The following NUBPL variants were observed in gnomAD, a reference collection of about 807,000 sequenced individuals.
The protein encoded by NUBPL is iron-sulfur cluster transfer protein NUBPL.
A neutral mutation model predicts 45.7 loss-of-function variants in NUBPL; 31 were observed. The observed-to-expected ratio is 0.68, with a 90% CI of 0.51 to 0.92. The LOEUF is 0.92. Among genes scored for constraint, NUBPL ranks in the 40% least tolerant of loss-of-function variants. The probability of loss-of-function intolerance (pLI) is 0.00; values close to 1 mark genes in which losing one functional copy is unlikely to be tolerated. For missense variants in NUBPL, 401 were observed against 398.7 expected, an observed-to-expected ratio of 1.01 and a Z score of -0.05; for synonymous variants, 144 against 140.9, an observed-to-expected ratio of 1.02 and a Z score of -0.15.
At chr14:31,603,902 A>C (rs138529860) in intron 4 of NUBPL, among the ~76,000 whole-genome samples, 8 of 152,314 alleles carry the variant, frequency 5.3e-5, no homozygotes, top group South Asian at 2.1e-4. Flanking sequence ...ATGAATTTGC[A>C]TACTTTAAAT....
intron 4 of NUBPL, among the ~76,000 whole-genome samples, chr14:31,616,130 T>A (rs1183452683): frequency 1.3e-5 from 2 of 152,200 alleles, no homozygotes; most frequent in Non-Finnish European, 2.9e-5. Flanking sequence ...TTGCCCACTT[T>A]TTGATGGGGT....
chr14:31,711,239 G>A (rs1566516492), intron 6 of NUBPL, among the ~76,000 whole-genome samples: 1 of 152,180 alleles, frequency 6.6e-6, no homozygotes. Flanking sequence ...TACAGGAAAA[G>A]TGGAAGCTGG....
chr14:31,820,369 C>G (rs980058722), intron 7 of NUBPL, among the ~76,000 whole-genome samples: 5 of 152,156 alleles, frequency 3.3e-5, no homozygotes, highest in Non-Finnish European at 7.4e-5. Flanking sequence ...GGTGAAAACT[C>G]TAGACTAATT....
intron 3 of NUBPL, among the ~76,000 whole-genome samples, chr14:31,581,411 T>C (rs1314897333): frequency 6.6e-6 from 1 of 152,176 alleles, no homozygotes; most frequent in African/African-American, 2.4e-5. Flanking sequence ...TCCTAGCCCC[T>C]AGTAACCACT....
At chr14:31,641,325 C>G (rs543070844) in intron 4 of NUBPL, among the ~76,000 whole-genome samples, 1 of 152,228 alleles carries the variant, frequency 6.6e-6, no homozygotes, top group East Asian at 1.9e-4. Flanking sequence ...CCCTTACCCC[C>G]TTTTTTCATC....
intron 2 of NUBPL, among the ~76,000 whole-genome samples, chr14:31,564,214 T>G (rs1253051823): frequency 3.3e-5 from 5 of 152,222 alleles, no homozygotes; most frequent in Admixed American, 6.5e-5. Flanking sequence ...TAAAGCTGGC[T>G]TTGGGACTAC....
chr14:31,705,355 G>T (rs981619327), intron 6 of NUBPL, among the ~76,000 whole-genome samples: 11 of 152,346 alleles, frequency 7.2e-5, no homozygotes, highest in African/African-American at 2.6e-4. Flanking sequence ...GAACCGAGCG[G>T]GTCGCCGGCT....
intron 4 of NUBPL, among the ~76,000 whole-genome samples, chr14:31,651,122 C>T (rs1024385318): frequency 2.6e-5 from 4 of 152,162 alleles, no homozygotes; most frequent in Non-Finnish European, 4.4e-5. Context: ...AGATACTGTT[C>T]CACGTCTTTG....
intron 4 of NUBPL, among the ~76,000 whole-genome samples, chr14:31,636,635 C>T (rs892819892): frequency 6.6e-6 from 1 of 152,140 alleles, no homozygotes; most frequent in African/African-American, 2.4e-5. Context: ...TCCTCTTTTT[C>T]TATTGATTGG....
chr14:31,852,741 A>G (rs1369392923), intron 10 of NUBPL, among the ~76,000 whole-genome samples: 1 of 152,210 alleles, frequency 6.6e-6, no homozygotes, highest in African/African-American at 2.4e-5. Flanking sequence ...CTTCAACATC[A>G]AAGACATTAA....
intron 7 of NUBPL, among the ~76,000 whole-genome samples, chr14:31,799,521 G>T (rs1467070657): frequency 6.6e-6 from 1 of 152,092 alleles, no homozygotes; most frequent in Non-Finnish European, 1.5e-5. Flanking sequence ...TACAGGTTTG[G>T]TTCCAGGCCA....
rs540433502 is a variant in NUBPL, at chr14:31,859,536, A to G, written c.*356A>G. The stretch of plus-strand genomic sequence containing the variant: ...ACAGAATTAGTAATTTAAATGATAT[A>G]CTAAATTTGTGTATGGGCATAAGTA... On this transcript the variant is annotated 3_prime_UTR_variant, in exon 11 of 11. Coordinates refer to ENST00000281081, the MANE Select transcript of NUBPL (RefSeq NM_025152.3). 1.2e-5 allele frequency: 4 copies of G among 345,842 alleles called. No individual in the cohort carries two copies. Among genetic ancestry groups the G allele is most frequent in the South Asian group, 7.2e-5 (3 of 41,470 alleles). The allele number at this position is 345,842 out of a possible 1,614,324, so 21.4% of individuals were successfully genotyped here. A position where few individuals can be genotyped will look rare whatever the true frequency, so the allele number is the denominator to read the frequency against.
At chr14:31,641,862 CAAA>C (rs1228478300) in intron 4 of NUBPL, among the ~76,000 whole-genome samples, 19 of 152,206 alleles carry the variant, frequency 1.2e-4, no homozygotes, top group Non-Finnish European at 2.1e-4. Context: ...GTCCTTTTGA[CAAA>C]AGCCATTTTA....
chr14:31,684,942 G>A (rs936656621), intron 6 of NUBPL, among the ~76,000 whole-genome samples: 2 of 152,192 alleles, frequency 1.3e-5, no homozygotes, highest in Non-Finnish European at 2.9e-5. Flanking sequence ...GTGTGATTTA[G>A]TGGGAGGAAA....
At chr14:31,799,531 A>T (rs2039543580) in intron 7 of NUBPL, among the ~76,000 whole-genome samples, 1 of 152,162 alleles carries the variant, frequency 6.6e-6, no homozygotes, top group African/African-American at 2.4e-5. Context: ...GTTCCAGGCC[A>T]CCTCAATAAA....
At chr14:31,580,554 C>T (rs1461600112) in intron 3 of NUBPL, among the ~76,000 whole-genome samples, 1 of 152,108 alleles carries the variant, frequency 6.6e-6, no homozygotes, top group African/African-American at 2.4e-5. Context: ...TTCGAGGCTG[C>T]AGTGAGCTAT....
rs199906934 is a variant in NUBPL at position 31,835,534 on chromosome 14, G to T, written c.693+8820G>T. Among the ~76,000 whole-genome samples the T allele has an allele frequency of 1.6e-4, 24 of 152,256 alleles. No homozygotes were observed. The East Asian group carries it at 4.6e-3, about 29-fold the overall frequency. On this transcript the variant is annotated intron_variant, in intron 8 of 10. Coordinates refer to ENST00000281081, the MANE Select transcript of NUBPL (RefSeq NM_025152.3). ...TAGCATAGCCTTAGCACACGGTATG[G>T]TAAAGGGTAGCTCTGAATGTTTTTG...
chr14:31,694,942 T>C (rs2037180439), intron 6 of NUBPL, among the ~76,000 whole-genome samples: 1 of 152,236 alleles, frequency 6.6e-6, no homozygotes, highest in African/African-American at 2.4e-5. Flanking sequence ...AGATCTACTT[T>C]TGACTTGTAA....
intron 4 of NUBPL, among the ~76,000 whole-genome samples, chr14:31,667,496 A>G (rs1253551346): frequency 6.6e-6 from 1 of 151,928 alleles, no homozygotes; most frequent in African/African-American, 2.4e-5. Flanking sequence ...GGGTTAGAAC[A>G]TGCTCCTTTA....
Sources: allele counts gnomAD v4.1 joint callset (sites outside exome capture counted in the v4.1 genomes callset), GRCh38; gene constraint gnomAD v4.1.1; transcripts MANE v1.5; gene names NCBI Gene and HGNC (gene_info 2026-07-23, HGNC 2026-07-21).